PALLD: variants seen among roughly 807,000 people sequenced by gnomAD.
The protein encoded by PALLD is palladin, cytoskeletal associated protein, also known as palladin.
In PALLD, 61 loss-of-function variants were observed where a neutral mutation model predicts 123.5. The observed-to-expected ratio is 0.49, with a 90% confidence interval of 0.40 to 0.61. The LOEUF is 0.61. Among genes scored for constraint, PALLD ranks in the 20% least tolerant of loss-of-function variants. The pLI is 0.00. For missense variants in PALLD, 1,273 were observed against 1,377.0 expected (o/e 0.92, Z 1.20); for synonymous variants, 465 against 496.4 (o/e 0.94, Z 0.84).
At chr4:168,751,302 G>A (rs113770788) in intron 10 of PALLD, among the ~76,000 whole-genome samples, 2,546 of 152,150 alleles carry the variant, frequency 0.017, 82 homozygotes, top group South Asian at 0.14. Context: ...GTAAGCCACC[G>A]TGCCCAGTCC....
rs147376191 is a variant in PALLD at position 168,604,579 on chromosome 4, A to G, written c.909-63611A>G. Among the ~76,000 whole-genome samples, 325 of 152,344 alleles carry G rather than the reference A, an allele frequency of 2.1e-3. 3 individuals are homozygous for G. Among genetic ancestry groups the G allele is most frequent in the African/African-American group, 7.0e-3 (291 of 41,582 alleles). On this transcript the variant is annotated intron_variant, in intron 2 of 21. Coordinates refer to ENST00000505667, the MANE Select transcript of PALLD (RefSeq NM_001166108.2). Reference sequence around the variant, plus strand: ...GCATACAGAGAATTTGGAAGACACAAAGAGCATATGTCTATAAAGCTTAAG... The same window carrying G: ...GCATACAGAGAATTTGGAAGACACAGAGAGCATATGTCTATAAAGCTTAAG...
At chr4:168,925,524 G>A (rs1287130643) in intron 21 of PALLD, 33 of 493,104 alleles carry the variant, frequency 6.7e-5, no homozygotes, top group South Asian at 1.6e-4. Flanking sequence ...CCTGGAATGC[G>A]TACTTTTGTG....
At chr4:168,697,430 A>T (rs1783240142) in intron 8 of PALLD, among the ~76,000 whole-genome samples, 1 of 152,256 alleles carries the variant, frequency 6.6e-6, no homozygotes, top group African/African-American at 2.4e-5. Flanking sequence ...GGGCAAGTTC[A>T]GATTGAAGCC....
chr4:168,598,350 A>G (rs1772196374), intron 2 of PALLD: 2 of 558,048 alleles, frequency 3.6e-6, no homozygotes, highest in South Asian at 3.1e-5. Context: ...AAGACTTGCC[A>G]TGGGAACTGT....
chr4:168,803,097 G>A (rs904767642), intron 10 of PALLD, among the ~76,000 whole-genome samples: 6 of 152,162 alleles, frequency 3.9e-5, no homozygotes, highest in African/African-American at 7.2e-5. Context: ...GTATTAGTCC[G>A]TTCTCACACT....
At chr4:168,831,519 TGC>T (rs1744195159) in intron 10 of PALLD, among the ~76,000 whole-genome samples, 2 of 152,230 alleles carry the variant, frequency 1.3e-5, no homozygotes, top group African/African-American at 4.8e-5. Context: ...AGAAATATAC[TGC>T]ATGATGATTT....
intron 2 of PALLD, among the ~76,000 whole-genome samples, chr4:168,582,060 G>A (rs1770340419): frequency 6.6e-6 from 1 of 151,976 alleles, no homozygotes. Context: ...AAGACCAACT[G>A]TCCATATATG....
At chr4:168,630,288 A>G (rs1028894143) in intron 2 of PALLD, among the ~76,000 whole-genome samples, 2 of 152,200 alleles carry the variant, frequency 1.3e-5, no homozygotes, top group Non-Finnish European at 2.9e-5. Context: ...AAAACTTTAC[A>G]ACTGAAGTGT....
chr4:168,717,934 G>C (rs1031895849), intron 10 of PALLD, among the ~76,000 whole-genome samples: 4 of 152,060 alleles, frequency 2.6e-5, no homozygotes, highest in African/African-American at 9.7e-5. Flanking sequence ...CATTCGGAAG[G>C]ACTAGGAGGA....
intron 10 of PALLD, among the ~76,000 whole-genome samples, chr4:168,862,021 AAT>A (rs1399883031): frequency 6.6e-6 from 1 of 152,144 alleles, no homozygotes; most frequent in Non-Finnish European, 1.5e-5. Flanking sequence ...TTGGAAATCC[AAT>A]AGGGTTTGGA....
At chr4:168,887,861 G>C (rs1753584848) in intron 10 of PALLD, among the ~76,000 whole-genome samples, 1 of 152,150 alleles carries the variant, frequency 6.6e-6, no homozygotes, top group Non-Finnish European at 1.5e-5. Context: ...GAGATGGACA[G>C]TACATCCATT....
chr4:168,818,127 G>C (rs1742233666), intron 10 of PALLD, among the ~76,000 whole-genome samples: 1 of 152,156 alleles, frequency 6.6e-6, no homozygotes, highest in African/African-American at 2.4e-5. Context: ...CCTTGATCAT[G>C]CTTCAAGAAA....
At chr4:168,843,687 G>A (rs181083772) in intron 10 of PALLD, among the ~76,000 whole-genome samples, 1 of 152,230 alleles carries the variant, frequency 6.6e-6, no homozygotes, top group Non-Finnish European at 1.5e-5. Flanking sequence ...TGATCGCATG[G>A]GGTGTTTGAG....
intron 2 of PALLD, among the ~76,000 whole-genome samples, chr4:168,533,822 G>C (rs561791304): frequency 6.6e-6 from 1 of 152,266 alleles, no homozygotes; most frequent in African/African-American, 2.4e-5. Flanking sequence ...CATACGGAAA[G>C]GAGGATCTAG....
intron 10 of PALLD, among the ~76,000 whole-genome samples, chr4:168,810,177 G>A (rs1561548702): frequency 6.6e-6 from 1 of 152,060 alleles, no homozygotes; most frequent in Non-Finnish European, 1.5e-5. Flanking sequence ...CGGGAAAAGA[G>A]AGAAGAACAG....
rs4260495 is a variant in PALLD at position 168,691,377 on chromosome 4, C to T, written c.1501+85C>T. Reference sequence around the variant, plus strand: ...GGGTCTCAATAGTTCTTTCTTTCTACCTTAAAGCCGTAAGCAGAACAATGT... The same window carrying T: ...GGGTCTCAATAGTTCTTTCTTTCTATCTTAAAGCCGTAAGCAGAACAATGT... On this transcript the variant is annotated intron_variant, in intron 8 of 21. Transcript: ENST00000505667. The T allele has an allele frequency of 0.22, 245,308 of 1,097,154 alleles. 30,249 individuals are homozygous for T. The highest frequency in any genetic ancestry group is 0.41 in the African/African-American group (25,809 of 63,234). The allele number at this position is 1,097,154 out of a possible 1,614,324, so 68.0% of individuals were successfully genotyped here. A position where few individuals can be genotyped will look rare whatever the true frequency, so the allele number is the denominator to read the frequency against.
chr4:168,750,628 GT>G (rs2150383381), intron 10 of PALLD, among the ~76,000 whole-genome samples: 1 of 152,174 alleles, frequency 6.6e-6, no homozygotes, highest in African/African-American at 2.4e-5. Context: ...TACAGTCTTA[GT>G]TACCAAGTTG....
chr4:168,780,081 T>G (rs185189863), intron 10 of PALLD, among the ~76,000 whole-genome samples: 7 of 152,186 alleles, frequency 4.6e-5, no homozygotes, highest in Non-Finnish European at 1.0e-4. Context: ...GTATTTTTGG[T>G]AGAGATGGGG....
At chr4:168,850,519 A>ATTTTTTT (rs1374881847) in intron 10 of PALLD, among the ~76,000 whole-genome samples, 1 of 24,692 alleles carries the variant, frequency 4.0e-5, no homozygotes, top group African/African-American at 1.2e-4. Flanking sequence ...TAAGTCTGTC[A>ATTTTTTT]TTTCTTTTTT....
Sources: allele counts gnomAD v4.1 joint callset (sites outside exome capture counted in the v4.1 genomes callset), GRCh38; gene constraint gnomAD v4.1.1; transcripts MANE v1.5; gene names NCBI Gene and HGNC (gene_info 2026-07-23, HGNC 2026-07-21).